Variants in FAM110B observed in about 807,000 individuals in gnomAD.
FAM110B encodes protein FAM110B.
Under a neutral mutation model 20.4 loss-of-function variants are expected in FAM110B, and 6 were observed. That is an observed-to-expected ratio of 0.29 (90% confidence interval 0.16 to 0.58). The LOEUF is 0.58. FAM110B is among the 20% of genes least tolerant of loss of function. The pLI is 0.90. For missense variants in FAM110B, 434 were observed against 498.2 expected, an observed-to-expected ratio of 0.87 and a Z score of 1.23; for synonymous variants, 226 against 214.1, an observed-to-expected ratio of 1.06 and a Z score of -0.49.
chr8:58,085,174 G>A (rs1459617822), intron 3 of FAM110B, among the ~76,000 whole-genome samples: 21 of 152,160 alleles, frequency 1.4e-4, no homozygotes, highest in Admixed American at 1.4e-3. Flanking sequence ...CTTTTTGTGG[G>A]GGTCATGCCC....
chr8:58,136,667 C>G (rs1803625616), intron 3 of FAM110B, among the ~76,000 whole-genome samples: 2 of 152,112 alleles, frequency 1.3e-5, no homozygotes, highest in South Asian at 4.1e-4. Context: ...AGGCAAGGCT[C>G]CCCCTCACTG....
chr8:58,049,374 G>A (rs1414756190), intron 2 of FAM110B, among the ~76,000 whole-genome samples: 1 of 151,918 alleles, frequency 6.6e-6, no homozygotes, highest in African/African-American at 2.4e-5. Context: ...AAGTTACAAT[G>A]GATACAAATA....
intron 1 of FAM110B, among the ~76,000 whole-genome samples, chr8:58,019,365 A>AAAG (rs1563498708): frequency 4.2e-4 from 45 of 107,166 alleles, no homozygotes; most frequent in African/African-American, 2.0e-3. Context: ...AAAAAAGGAA[A>AAAG]GAAAGAAAGA....
At chr8:58,108,516 T>C (rs917363018) in intron 3 of FAM110B, among the ~76,000 whole-genome samples, 2 of 152,132 alleles carry the variant, frequency 1.3e-5, no homozygotes, top group African/African-American at 2.4e-5. Context: ...CTTCCTGGCA[T>C]GTTCGGATAA....
At chr8:58,009,473 C>T (rs1804483599) in intron 1 of FAM110B, among the ~76,000 whole-genome samples, 2 of 152,174 alleles carry the variant, frequency 1.3e-5, no homozygotes, top group African/African-American at 4.8e-5. Flanking sequence ...AGTGTAAGAA[C>T]ATGCCAGATT....
At chr8:58,020,668 G>A (rs542693328) in intron 1 of FAM110B, among the ~76,000 whole-genome samples, 6 of 152,188 alleles carry the variant, frequency 3.9e-5, no homozygotes, top group Admixed American at 2.0e-4. Flanking sequence ...AGAGTATATG[G>A]GCTACATGAT....
chr8:58,140,021 C>T (rs572424948), intron 3 of FAM110B, among the ~76,000 whole-genome samples: 4 of 152,226 alleles, frequency 2.6e-5, no homozygotes, highest in Admixed American at 6.5e-5. Context: ...CTCAGGCAGA[C>T]GGAGCAGCAG....
intron 1 of FAM110B, among the ~76,000 whole-genome samples, chr8:58,000,639 C>T (rs1317685167): frequency 6.6e-6 from 1 of 152,182 alleles, no homozygotes; most frequent in African/African-American, 2.4e-5. Context: ...AGTCAGTTTA[C>T]TTTCTCTGGC....
intron 2 of FAM110B, among the ~76,000 whole-genome samples, chr8:58,054,362 G>A (rs780893748): frequency 6.6e-6 from 1 of 152,054 alleles, no homozygotes; most frequent in African/African-American, 2.4e-5. Context: ...TCCTTCCAGA[G>A]GGCAAACAGA....
chr8:57,997,352 GC>G (rs1804208407), intron 1 of FAM110B, among the ~76,000 whole-genome samples: 1 of 152,094 alleles, frequency 6.6e-6, no homozygotes, highest in South Asian at 2.1e-4. Context: ...TAGACTATTG[GC>G]CATTTTTCTG....
At chr8:58,124,912 A>C (rs1351859633) in intron 3 of FAM110B, among the ~76,000 whole-genome samples, 2 of 152,172 alleles carry the variant, frequency 1.3e-5, no homozygotes, top group African/African-American at 4.8e-5. Context: ...CGCAACGTCA[A>C]CTCTGCCCCA....
rs181701257 is a variant in FAM110B at position 58,124,859 on chromosome 8, A to G, written c.-324-21048A>G. Among the ~76,000 whole-genome samples, 155 of 152,358 alleles carry G rather than the reference A, an allele frequency of 1.0e-3. 1 individual carries two copies. Among genetic ancestry groups the G allele is most frequent in the African/African-American group, 3.6e-3 (150 of 41,588 alleles). Reference sequence around the variant, plus strand: ...CCTCTAAATAGATTACATGATAATGAGGAATTTTTAAAGAAAAATGATTCT... The same window carrying G: ...CCTCTAAATAGATTACATGATAATGGGGAATTTTTAAAGAAAAATGATTCT... On this transcript the variant is annotated intron_variant, in intron 3 of 3. Coordinates refer to ENST00000519262, the MANE Select transcript of FAM110B (RefSeq NM_001377989.1).
intron 3 of FAM110B, among the ~76,000 whole-genome samples, chr8:58,115,127 C>T (rs1334118184): frequency 6.6e-6 from 1 of 151,852 alleles, no homozygotes; most frequent in African/African-American, 2.4e-5. Context: ...CATTGCTCAT[C>T]GGCTTGTACC....
chr8:58,029,140 A>G (rs1290584314), intron 1 of FAM110B, among the ~76,000 whole-genome samples: 1 of 152,212 alleles, frequency 6.6e-6, no homozygotes. Flanking sequence ...GGTTTCAGTG[A>G]ATACGAATTC....
chr8:58,067,653 A>C (rs1446280690), intron 2 of FAM110B, among the ~76,000 whole-genome samples: 1 of 152,218 alleles, frequency 6.6e-6, no homozygotes, highest in African/African-American at 2.4e-5. Context: ...TTTGTTAATC[A>C]CTTAATGAGC....
At chr8:58,060,455 A>G (rs1483323818) in intron 2 of FAM110B, among the ~76,000 whole-genome samples, 1 of 152,234 alleles carries the variant, frequency 6.6e-6, no homozygotes, top group African/African-American at 2.4e-5. Flanking sequence ...CTAATAAATC[A>G]GAAAGGAAAA....
At chr8:58,102,583 G>A (rs1235795238) in intron 3 of FAM110B, among the ~76,000 whole-genome samples, 1 of 152,182 alleles carries the variant, frequency 6.6e-6, no homozygotes, top group East Asian at 1.9e-4. Context: ...TATTGCTTTT[G>A]TTGCGTAAAT....
chr8:58,039,695 A>G (rs900622801), intron 2 of FAM110B, among the ~76,000 whole-genome samples: 2 of 152,214 alleles, frequency 1.3e-5, no homozygotes, highest in Non-Finnish European at 2.9e-5. Context: ...TTTGAGTCAC[A>G]TAGAGTAAGG....
At chr8:58,032,004 C>T (rs1174308005) in intron 2 of FAM110B, among the ~76,000 whole-genome samples, 1 of 152,224 alleles carries the variant, frequency 6.6e-6, no homozygotes, top group Admixed American at 6.5e-5. Context: ...CAAAAACCAT[C>T]CTTGTAGAAC....
Sources: gnomAD v4.1 joint callset for allele counts (sites outside exome capture counted in the v4.1 genomes callset) on GRCh38, gnomAD v4.1.1 for gene constraint, MANE v1.5 for transcripts, NCBI Gene and HGNC (gene_info 2026-07-23, HGNC 2026-07-21) for gene names.